Variants in DGAT2 observed in about 807,000 individuals in gnomAD.
The protein encoded by DGAT2 is acyl-CoA retinol O-fatty-acyltransferase.
DGAT2 carries 33 observed loss-of-function variants against 48.4 expected under a neutral mutation model. That is an observed-to-expected ratio of 0.68 (90% confidence interval 0.52 to 0.91). The LOEUF (loss-of-function observed/expected upper bound fraction) is 0.91. DGAT2 is among the 40% of genes least tolerant of loss of function. The pLI is 0.00. For missense variants in DGAT2, 446 were observed against 493.7 expected (o/e 0.90, Z 0.92); for synonymous variants, 191 against 194.1 (o/e 0.98, Z 0.13).
In DGAT2 at chr11:75,769,091, C is replaced by T. The variant is rs200971330; in HGVS notation, c.100C>T (p.Arg34Cys). The T allele has an allele frequency of 3.8e-5, 60 of 1,570,476 alleles. No individual in the cohort carries two copies. In the Admixed American group the frequency reaches 1.1e-3, roughly 29 times the overall value. ...QRSHGGPALSREGSGRWGTGS... is the reference protein window; with the variant it reads ...QRSHGGPALSCEGSGRWGTGS... The stretch of plus-strand genomic sequence containing the variant: ...CTCTCACGGAGGACCTGCGCTGTCG[C>T]GCGAGGGGTCTGGGAGATGGGGTGA... Residue 34 changes from arginine to cysteine, a missense_variant, in exon 1 of 8, where the codon CGC becomes TGC. By Grantham distance (180) the Arg-to-Cys change is radical (BLOSUM62 -3). Transcript: ENST00000228027.
chr11:75,782,012 G>A (rs2135765745), intron 1 of DGAT2, among the ~76,000 whole-genome samples: 1 of 152,234 alleles, frequency 6.6e-6, no homozygotes, highest in African/African-American at 2.4e-5. Context: ...GCTGCATGGG[G>A]GCTGGCCCTG....
chr11:75,790,682 T>C lies in DGAT2; in HGVS notation c.380T>C (p.Val127Ala), dbSNP rs1002721982. The C allele has an allele frequency of 1.9e-6, 3 of 1,613,824 alleles. No homozygotes were observed. In the African/African-American group the frequency reaches 4.0e-5, roughly 22 times the overall value. The change falls in exon 4 of 8, where the codon GTC becomes GCC. Residue 127 changes from valine to alanine, a missense_variant. By Grantham distance (64) the Val-to-Ala change is moderately conservative (BLOSUM62 0). Transcript: ENST00000228027. ...PKKGGRRSQW[V>A]RNWAVWRYFR... ...GAAGGTGGCAGGAGGTCACAGTGGG[T>C]CCGAAACTGGGCTGTGTGGCGCTAC...
In DGAT2 at chr11:75,768,788, C is replaced by A; in HGVS notation, c.-204C>A. 1.9e-6 allele frequency: 1 copy of A among 521,586 alleles called. No homozygotes were observed. The highest frequency in any genetic ancestry group is 3.6e-5 in the East Asian group (1 of 28,018). 32.3% of individuals were successfully genotyped at this position (521,586 alleles called of 1,614,324 possible). On this transcript the variant is annotated 5_prime_UTR_variant, in exon 1 of 8. Transcript: ENST00000228027. ...CTCCGGGACGCCAGCGCCGCGGCTG[C>A]CGCCTCTGCTGGGGTCTAGGCTGTT...
Position 75,800,551 on chromosome 11 carries a change from T to A in DGAT2, c.*43T>A. 6.3e-7 allele frequency: 1 copy of A among 1,599,790 alleles called. No individual in the cohort carries two copies. Among genetic ancestry groups the A allele is most frequent in the Non-Finnish European group, 8.5e-7 (1 of 1,172,864 alleles). ...ATTCCCTGGAGGAACCAGCTGCAAA[T>A]CACTTTTTTGCTCTGTAAATTTGGA... On this transcript the variant is annotated 3_prime_UTR_variant, in exon 8 of 8. Transcript: ENST00000228027.
In DGAT2 at chr11:75,769,042, G is replaced by T. The variant is rs1284182986; in HGVS notation, c.51G>T (p.Gln17His). 4 of 1,578,700 alleles carry T rather than the reference G, an allele frequency of 2.5e-6. No individual in the cohort carries two copies. The highest frequency in any genetic ancestry group is 8.6e-7 in the Non-Finnish European group (1 of 1,165,558). ...AYSGVLRGER[Q>H]AEADRSQRSH... Reference sequence around the variant, plus strand: ...CCGGGGTCCTGCGCGGCGAGCGTCAGGCCGAGGCTGACCGGAGCCAGCGCT... The same window carrying T: ...CCGGGGTCCTGCGCGGCGAGCGTCATGCCGAGGCTGACCGGAGCCAGCGCT... The change falls in exon 1 of 8, where the codon CAG (glutamine) becomes CAT (histidine). Residue 17 changes from glutamine to histidine, a missense_variant. Transcript: ENST00000228027.
At chr11:75,790,124 C>A in intron 2 of DGAT2, 64 bp from the exon 3 acceptor site, 2 of 1,210,426 alleles carry the variant, frequency 1.7e-6, no homozygotes, top group Non-Finnish European at 1.2e-6. Flanking sequence ...CTCACTCCAT[C>A]CACCATGGCC....
intron 1 of DGAT2, among the ~76,000 whole-genome samples, chr11:75,774,426 A>G (rs181741732): frequency 2.0e-5 from 3 of 152,368 alleles, no homozygotes; most frequent in Admixed American, 6.5e-5. Context: ...GGGTAAATCA[A>G]TAGAAATGGG....
chr11:75,791,297 G>A (rs1210724320), intron 4 of DGAT2, among the ~76,000 whole-genome samples: 1 of 152,188 alleles, frequency 6.6e-6, no homozygotes, highest in Non-Finnish European at 1.5e-5. Flanking sequence ...GCAGTGGCTG[G>A]GTAACCCTGC....
intron 3 of DGAT2, 52 bp downstream of exon 3, chr11:75,790,347 C>A (rs769936936): frequency 7.5e-6 from 11 of 1,457,962 alleles, no homozygotes; most frequent in Admixed American, 1.7e-5. Context: ...ATGCTCTTCC[C>A]CCTGCACAAG....
At chr11:75,770,016 T>C (rs1488775843) in intron 1 of DGAT2, among the ~76,000 whole-genome samples, 3 of 152,234 alleles carry the variant, frequency 2.0e-5, no homozygotes, top group Non-Finnish European at 2.9e-5. Context: ...TTGCTAATTA[T>C]GGAATTTTTG....
chr11:75,780,931 G>C (rs546774164), intron 1 of DGAT2, among the ~76,000 whole-genome samples: 1 of 152,340 alleles, frequency 6.6e-6, no homozygotes, highest in South Asian at 2.1e-4. Context: ...AGGGAACTCC[G>C]GGGGCCTGAA....
intron 4 of DGAT2, chr11:75,794,675 A>G (rs1357362160): frequency 3.3e-5 from 5 of 152,188 alleles, no homozygotes; most frequent in African/African-American, 1.2e-4. Flanking sequence ...GAAGATATGG[A>G]ACTGAGGGAT....
At chr11:75,799,098 C>T (rs1029109717) in intron 7 of DGAT2, among the ~76,000 whole-genome samples, 1 of 152,154 alleles carries the variant, frequency 6.6e-6, no homozygotes, top group African/African-American at 2.4e-5. Flanking sequence ...GGGCCCTTGG[C>T]AGTGGACTTG....
intron 1 of DGAT2, among the ~76,000 whole-genome samples, chr11:75,780,112 G>A (rs1246534095): frequency 6.6e-6 from 1 of 152,192 alleles, no homozygotes; most frequent in Non-Finnish European, 1.5e-5. Flanking sequence ...GGGCAGATAG[G>A]AGCAGGGACT....
chr11:75,777,749 A>G (rs1590865210), intron 1 of DGAT2, among the ~76,000 whole-genome samples: 1 of 152,038 alleles, frequency 6.6e-6, no homozygotes, highest in African/African-American at 2.4e-5. Flanking sequence ...TGGGCTTTCG[A>G]GAGGCGTGAG....
intron 1 of DGAT2, among the ~76,000 whole-genome samples, chr11:75,782,426 G>T (rs1944876277): frequency 6.6e-6 from 1 of 152,192 alleles, no homozygotes; most frequent in Admixed American, 6.5e-5. Context: ...TCTAGCCAGG[G>T]CATCCAGCCT....
intron 2 of DGAT2, among the ~76,000 whole-genome samples, chr11:75,788,130 C>T (rs186159172): frequency 1.3e-5 from 2 of 152,240 alleles, no homozygotes; most frequent in Admixed American, 6.5e-5. Flanking sequence ...ATGCTCAGAC[C>T]ATAGCCTAAA....
At chr11:75,786,791 GTC>G in intron 2 of DGAT2, among the ~76,000 whole-genome samples, 1 of 152,306 alleles carries the variant, frequency 6.6e-6, no homozygotes, top group Middle Eastern at 3.4e-3. Flanking sequence ...GGCCCTGTTG[GTC>G]TCTCCCTGGA....
Position 75,800,500 on chromosome 11 carries a change from G to A in DGAT2, c.1159G>A (p.Val387Met), listed in dbSNP as rs1239995206. 1 of 1,613,952 alleles carries A rather than the reference G, an allele frequency of 6.2e-7. No homozygotes were observed. The highest frequency in any genetic ancestry group is 1.3e-5 in the African/African-American group (1 of 74,950). ...CCTCCCGGAGACTGAGGTCCTGGAG[G>A]TGAACTGAGCCAGCCTTCGGGGCCA... Reference protein sequence around the residue: ...FGLPETEVLEVN With the variant: ...FGLPETEVLEMN The change falls in exon 8 of 8, where the codon GTG (valine) becomes ATG (methionine). Residue 387 changes from valine to methionine, a missense_variant. Transcript: ENST00000228027.
Sources: gnomAD v4.1 joint callset for allele counts (sites outside exome capture counted in the v4.1 genomes callset) on GRCh38, gnomAD v4.1.1 for gene constraint, MANE v1.5 for transcripts, NCBI Gene and HGNC (gene_info 2026-07-23, HGNC 2026-07-21) for gene names.